The following AJAP1 variants were observed in gnomAD, a reference collection of about 807,000 sequenced individuals.
AJAP1 encodes adherens junctions associated protein 1, also known as adherens junction-associated protein 1.
AJAP1 carries 5 observed loss-of-function variants against 35.0 expected under a neutral mutation model. The observed-to-expected ratio is 0.14, with a 90% confidence interval of 0.07 to 0.30. AJAP1 has a LOEUF of 0.30. Among genes scored for constraint, AJAP1 ranks in the 10% least tolerant of loss-of-function variants. The pLI is 1.00. For synonymous variants in AJAP1, 284 were observed against 249.3 expected (o/e 1.14, Z -1.31); for missense variants, 586 against 571.0 (o/e 1.03, Z -0.27).
chr1:4,665,638 G>C lies in AJAP1; in HGVS notation c.29+10184G>C, dbSNP rs1052964777. Among the ~76,000 whole-genome samples the C allele has an allele frequency of 2.0e-5, 3 of 152,204 alleles. No individual in the cohort carries two copies. In the East Asian group the frequency reaches 5.8e-4, roughly 29 times the overall value. ...CACGCAAGTGGTCCCCCGAGAGTCT[G>C]CTGGCCCCAGGTGAGAGCCAGGCAG... On this transcript the variant is annotated intron_variant, in intron 1 of 5. Transcript: ENST00000378191.
At position 4,788,105 on chromosome 1, in the gene AJAP1, G is replaced by A. The variant is rs1308011348; in HGVS notation, c.*5620G>A. Reference sequence around the variant, plus strand: ...TCTTCCCCACTTATTGTACATTGATGTGCCGCCTGCTAGGAAGATAAACTC... The same window carrying A: ...TCTTCCCCACTTATTGTACATTGATATGCCGCCTGCTAGGAAGATAAACTC... On this transcript the variant is annotated 3_prime_UTR_variant, in exon 6 of 6. Transcript: ENST00000378191. 4 of 219,052 alleles carry A rather than the reference G, an allele frequency of 1.8e-5. No individual in the cohort carries two copies. Among genetic ancestry groups the A allele is most frequent in the African/African-American group, 9.5e-5 (4 of 42,240 alleles). The allele number at this position is 219,052 out of a possible 1,614,324, so 13.6% of individuals were successfully genotyped here.
At chr1:4,762,008 A>C (rs1468300701) in intron 2 of AJAP1, among the ~76,000 whole-genome samples, 1 of 152,178 alleles carries the variant, frequency 6.6e-6, no homozygotes, top group Non-Finnish European at 1.5e-5. Context: ...CTTGACACTT[A>C]ATATTAACCA....
At chr1:4,717,757 A>G (rs1640428922) in intron 2 of AJAP1, among the ~76,000 whole-genome samples, 2 of 152,176 alleles carry the variant, frequency 1.3e-5, no homozygotes, top group African/African-American at 4.8e-5. Context: ...AGCAAGCCTC[A>G]TGATGGTGAA....
intron 1 of AJAP1, among the ~76,000 whole-genome samples, chr1:4,667,537 G>C (rs957966925): frequency 5.3e-5 from 8 of 152,196 alleles, no homozygotes; most frequent in African/African-American, 1.9e-4. Flanking sequence ...CATAAGGAGT[G>C]CACAACCTAG....
intron 3 of AJAP1, 26 bp downstream of exon 3, chr1:4,769,966 C>A: frequency 6.3e-7 from 1 of 1,588,148 alleles, no homozygotes; most frequent in Middle Eastern, 1.7e-4. Context: ...CCCTTCTGGC[C>A]CAGAAATGGG....
rs1642227025 is a variant in AJAP1, at chr1:4,790,162, C to A, written c.*7677C>A. ...TATGGGCATAGGAGCAAGCTGATGG[C>A]ATGGCTCTTGACAAGGTTTTCTATA... On this transcript the variant is annotated 3_prime_UTR_variant, in exon 6 of 6. Coordinates refer to ENST00000378191, the MANE Select transcript of AJAP1 (RefSeq NM_018836.4). The A allele has an allele frequency of 6.6e-6, 1 of 152,244 alleles. No individual in the cohort carries two copies. The highest frequency in any genetic ancestry group is 1.5e-5 in the Non-Finnish European group (1 of 68,056). The allele number at this position is 152,244 out of a possible 1,614,324, so 9.4% of individuals were successfully genotyped here. A position where few individuals can be genotyped will look rare whatever the true frequency, so the allele number is the denominator to read the frequency against.
intron 2 of AJAP1, among the ~76,000 whole-genome samples, chr1:4,759,940 C>T (rs1470115233): frequency 6.6e-6 from 1 of 152,148 alleles, no homozygotes; most frequent in Admixed American, 6.5e-5. Context: ...TTCAAAGCCT[C>T]CCTGGCCATA....
At chr1:4,671,527 C>T (rs910849392) in intron 1 of AJAP1, among the ~76,000 whole-genome samples, 3 of 152,030 alleles carry the variant, frequency 2.0e-5, no homozygotes, top group Admixed American at 6.5e-5. Context: ...CCACAGGCCC[C>T]AGACAGCTCA....
rs1241933157 is a variant in AJAP1, at chr1:4,654,716, C to T, written c.-710C>T. 6.8e-6 allele frequency: 1 copy of T among 146,748 alleles called. No individual in the cohort carries two copies. Among genetic ancestry groups the T allele is most frequent in the East Asian group, 2.0e-4 (1 of 4,990 alleles). 9.1% of individuals were successfully genotyped at this position (146,748 alleles called of 1,614,324 possible). On this transcript the variant is annotated 5_prime_UTR_variant, in exon 1 of 6. Transcript: ENST00000378191. The surrounding 1 kb of genome is among the most constrained non-coding windows in gnomAD (Gnocchi z 5.1). ...CCCGCGCGCCTCCTCCGCGCGGCGC[C>T]GCCGCCGCGCGTCCCCACGCCCCGC...
chr1:4,775,371 C>A (rs1270352502), intron 5 of AJAP1, among the ~76,000 whole-genome samples: 2 of 152,228 alleles, frequency 1.3e-5, no homozygotes, highest in Non-Finnish European at 2.9e-5. Flanking sequence ...GCTTTCTACG[C>A]ATCCTCATCT....
At chr1:4,705,792 C>T (rs1178057869) in intron 1 of AJAP1, among the ~76,000 whole-genome samples, 1 of 152,052 alleles carries the variant, frequency 6.6e-6, no homozygotes, top group African/African-American at 2.4e-5. Flanking sequence ...ACCATCACAG[C>T]CAAGAGGAGC....
intron 1 of AJAP1, among the ~76,000 whole-genome samples, chr1:4,694,686 G>A (rs2100232579): frequency 6.6e-6 from 1 of 152,362 alleles, no homozygotes; most frequent in African/African-American, 2.4e-5. Context: ...ATGCTCAGCT[G>A]GGGTGAAGGA....
At chr1:4,740,813 G>T (rs989615253) in intron 2 of AJAP1, among the ~76,000 whole-genome samples, 8 of 150,910 alleles carry the variant, frequency 5.3e-5, no homozygotes, top group Non-Finnish European at 1.0e-4. Context: ...AAAGCGGGGG[G>T]GGCTAAGATG....
chr1:4,667,785 A>G (rs971046424), intron 1 of AJAP1, among the ~76,000 whole-genome samples: 1 of 152,088 alleles, frequency 6.6e-6, no homozygotes, highest in African/African-American at 2.4e-5. Context: ...TCATCGTCCC[A>G]CCCAAGCTGT....
Position 4,712,014 on chromosome 1 carries a change from G to A in AJAP1, c.144G>A (p.Pro48=), listed in dbSNP as rs776421160. 28 of 1,595,406 alleles carry A rather than the reference G, an allele frequency of 1.8e-5. No individual in the cohort carries two copies. Among genetic ancestry groups the A allele is most frequent in the Non-Finnish European group, 2.3e-5 (27 of 1,173,968 alleles). ...CCTGTGAGGCCCTGGGCCCGGGGCC[G>A]GAGTTCTGGCTCCTGCCGCGGTCGC... ...LPACEALGPG[P]EFWLLPRSPP... is the part of the protein sequence containing the mutation. The change falls in exon 2 of 6, where the codon CCG becomes CCA. Residue 48 remains proline (P), a synonymous_variant. Transcript: ENST00000378191.
In AJAP1 at chr1:4,787,785, G is replaced by A. The variant is rs4654460; in HGVS notation, c.*5300G>A. On this transcript the variant is annotated 3_prime_UTR_variant, in exon 6 of 6. Transcript: ENST00000378191. ...GTTCAACGTCAGCGACTTGGCCCAC[G>A]GGGCACGGGCACCTTGGGGATGCCA... The A allele has an allele frequency of 0.65, 293,614 of 453,784 alleles. 98,470 individuals carry two copies. The highest frequency in any genetic ancestry group is 0.85 in the African/African-American group (42,339 of 50,088). The allele number at this position is 453,784 out of a possible 1,614,324, so 28.1% of individuals were successfully genotyped here. A position where few individuals can be genotyped will look rare whatever the true frequency, so the allele number is the denominator to read the frequency against.
At chr1:4,772,750 C>T (rs1570225869) in intron 4 of AJAP1, among the ~76,000 whole-genome samples, 1 of 152,330 alleles carries the variant, frequency 6.6e-6, no homozygotes, top group East Asian at 1.9e-4. Flanking sequence ...GCTGGAATTT[C>T]CTTCCAGACC....
Position 4,788,256 on chromosome 1 carries a change from A to C in AJAP1, c.*5771A>C, listed in dbSNP as rs1339470685. 6.3e-6 allele frequency: 1 copy of C among 158,882 alleles called. No individual in the cohort carries two copies. Among genetic ancestry groups the C allele is most frequent in the East Asian group, 1.9e-4 (1 of 5,282 alleles). 9.8% of individuals were successfully genotyped at this position (158,882 alleles called of 1,614,324 possible). A position where few individuals can be genotyped will look rare whatever the true frequency, so the allele number is the denominator to read the frequency against. ...ATGCTACCAGCCCTTCCTTCCAAAG[A>C]GCATGAAGCATGGCTCTGTGTGGTT... is the stretch of plus-strand genomic sequence containing the variant. On this transcript the variant is annotated 3_prime_UTR_variant, in exon 6 of 6. Coordinates refer to ENST00000378191, the MANE Select transcript of AJAP1 (RefSeq NM_018836.4).
intron 3 of AJAP1, among the ~76,000 whole-genome samples, chr1:4,771,409 G>A (rs1049234632): frequency 7.9e-5 from 12 of 152,186 alleles, no homozygotes; most frequent in Non-Finnish European, 1.5e-4. Flanking sequence ...CCTTCGTGCA[G>A]CCCCTCCCTG....
Sources: gnomAD v4.1 joint callset for allele counts (sites outside exome capture counted in the v4.1 genomes callset) on GRCh38, gnomAD v4.1.1 for gene constraint, Gnocchi (gnomAD v3.1) non-coding constraint, MANE v1.5 for transcripts, NCBI Gene and HGNC (gene_info 2026-07-23, HGNC 2026-07-21) for gene names.